Variants in ACOT12 observed in about 807,000 individuals in gnomAD.
ACOT12 encodes acyl-CoA thioesterase 12, also known as acetyl-coenzyme A thioesterase.
Under a neutral mutation model 67.7 loss-of-function variants are expected in ACOT12, and 51 were observed. That is an observed-to-expected ratio of 0.75 (90% CI 0.60 to 0.95). ACOT12 has a LOEUF of 0.95. Among genes scored for constraint, ACOT12 ranks in the 40% least tolerant of loss-of-function variants. The probability of loss-of-function intolerance (pLI) is 0.00; values close to 1 mark genes in which losing one functional copy is unlikely to be tolerated. For missense variants in ACOT12, 734 were observed against 708.1 expected (o/e 1.04, Z -0.41); for synonymous variants, 251 against 244.6 (o/e 1.03, Z -0.24).
At chr5:81,371,702 T>C (rs1388014733) in intron 3 of ACOT12, 48 bp downstream of exon 3, 13 of 1,561,662 alleles carry the variant, frequency 8.3e-6, no homozygotes, top group Non-Finnish European at 1.1e-5. Flanking sequence ...TTGTAAACAA[T>C]GAAGAAGTGA....
At chr5:81,339,917 G>T (rs1759135370) in intron 11 of ACOT12, among the ~76,000 whole-genome samples, 1 of 152,018 alleles carries the variant, frequency 6.6e-6, no homozygotes, top group African/African-American at 2.4e-5. Context: ...TAGAGATGAA[G>T]TCATTTTATG....
At chr5:81,352,926 C>T (rs552813229) in intron 5 of ACOT12, among the ~76,000 whole-genome samples, 26 of 152,078 alleles carry the variant, frequency 1.7e-4, no homozygotes, top group Non-Finnish European at 2.6e-4. Flanking sequence ...GGAAGTGAGA[C>T]GGTAGGCAGA....
At chr5:81,334,207 T>C (rs1160751432) in intron 12 of ACOT12, among the ~76,000 whole-genome samples, 2 of 152,166 alleles carry the variant, frequency 1.3e-5, no homozygotes, top group African/African-American at 4.8e-5. Context: ...AGCCGTTTTT[T>C]CCAGTACACT....
At chr5:81,340,128 C>T (rs1234961829) in intron 11 of ACOT12, among the ~76,000 whole-genome samples, 1 of 151,540 alleles carries the variant, frequency 6.6e-6, no homozygotes, top group Non-Finnish European at 1.5e-5. Context: ...ACCTCTGCCT[C>T]CCAGGTTCAA....
the ACOT12 span, among the ~76,000 whole-genome samples, chr5:81,322,357 CTTTAATATTA>C: frequency 2.0e-5 from 3 of 151,562 alleles, no homozygotes; most frequent in Non-Finnish European, 4.4e-5. Flanking sequence ...TGTATAATGT[CTTTAATATTA>C]TTTAATATTA....
intron 5 of ACOT12, among the ~76,000 whole-genome samples, chr5:81,354,348 A>T (rs1561334207): frequency 6.6e-6 from 1 of 152,184 alleles, no homozygotes; most frequent in Non-Finnish European, 1.5e-5. Context: ...CCTGTCACTA[A>T]TTTAGACTAT....
intron 3 of ACOT12, among the ~76,000 whole-genome samples, chr5:81,365,611 T>C (rs1270535591): frequency 6.6e-6 from 1 of 152,200 alleles, no homozygotes; most frequent in African/African-American, 2.4e-5. Flanking sequence ...GAGAATTTCA[T>C]TGTGTTATAA....
intron 13 of ACOT12, among the ~76,000 whole-genome samples, chr5:81,331,623 A>G (rs995678683): frequency 6.6e-6 from 1 of 152,214 alleles, no homozygotes; most frequent in African/African-American, 2.4e-5. Context: ...ATCTTCCTCC[A>G]GTCCAATTGC....
chr5:81,383,325 G>A (rs1056375475), intron 2 of ACOT12, among the ~76,000 whole-genome samples: 13 of 152,228 alleles, frequency 8.5e-5, no homozygotes, highest in African/African-American at 2.9e-4. Context: ...AGTCAAGATC[G>A]CACCACTGCA....
chr5:81,308,753 G>A, the ACOT12 span: 16 of 1,579,184 alleles, frequency 1.0e-5, no homozygotes, highest in East Asian at 3.4e-4. Context: ...CATGGGGAAA[G>A]CCAATAAATA....
chr5:81,344,268 C>G, intron 8 of ACOT12, 53 bp from the exon 9 acceptor site: 1 of 1,534,412 alleles, frequency 6.5e-7, no homozygotes, highest in Non-Finnish European at 8.9e-7. Context: ...TATCTACTAT[C>G]TTAGTGCTAT....
chr5:81,314,666 C>G, the ACOT12 span, among the ~76,000 whole-genome samples: 1 of 152,196 alleles, frequency 6.6e-6, no homozygotes, highest in Admixed American at 6.5e-5. Flanking sequence ...GTTCCTGTTA[C>G]TCTTATGCAC....
intron 2 of ACOT12, among the ~76,000 whole-genome samples, 191 bp downstream of exon 2, chr5:81,385,566 C>T (rs1375558339): frequency 6.6e-6 from 1 of 152,170 alleles, no homozygotes; most frequent in Admixed American, 6.6e-5. Flanking sequence ...TGTGAAGTTA[C>T]ACTTAAGAGT....
At chr5:81,376,906 A>C (rs1281727966) in intron 2 of ACOT12, among the ~76,000 whole-genome samples, 1 of 152,214 alleles carries the variant, frequency 6.6e-6, no homozygotes, top group Non-Finnish European at 1.5e-5. Context: ...ATTATACCAG[A>C]GGTACAAAGA....
At chr5:81,323,899 T>TATATATGTATACATATATAC in the ACOT12 span, among the ~76,000 whole-genome samples, 3 of 84,976 alleles carry the variant, frequency 3.5e-5, no homozygotes, top group Non-Finnish European at 9.1e-5. Flanking sequence ...CATATATACG[T>TATATATGTATACATATATAC]ATATATACAC....
At chr5:81,390,678 A>G (rs1424862167) in intron 1 of ACOT12, among the ~76,000 whole-genome samples, 1 of 150,204 alleles carries the variant, frequency 6.7e-6, no homozygotes, top group African/African-American at 2.4e-5. Context: ...TAATTTTTGT[A>G]TTTTTAGTAG....
chr5:81,317,255 A>C, the ACOT12 span, among the ~76,000 whole-genome samples: 5 of 152,184 alleles, frequency 3.3e-5, no homozygotes, highest in Non-Finnish European at 7.3e-5. Context: ...TAATCCCAGC[A>C]CTTTGGGAGG....
the ACOT12 span, chr5:81,309,030 A>G: frequency 2.5e-6 from 4 of 1,610,944 alleles, no homozygotes; most frequent in Non-Finnish European, 3.4e-6. Flanking sequence ...AAAGGACTCT[A>G]TGCTGATGGT....
chr5:81,381,079 T>G (rs1040046114), intron 2 of ACOT12, among the ~76,000 whole-genome samples: 6 of 152,052 alleles, frequency 3.9e-5, no homozygotes, highest in African/African-American at 1.4e-4. Flanking sequence ...TTTTTTTTTT[T>G]TTTAGAGATG....
Sources: gnomAD v4.1 joint callset for allele counts (sites outside exome capture counted in the v4.1 genomes callset) on GRCh38, gnomAD v4.1.1 for gene constraint, MANE v1.5 for transcripts, NCBI Gene and HGNC (gene_info 2026-07-23, HGNC 2026-07-21) for gene names.